PINX1: variants seen among roughly 807,000 people sequenced by gnomAD.
The protein encoded by PINX1 is PIN2 (TERF1) interacting telomerase inhibitor 1, also known as PIN2/TERF1-interacting telomerase inhibitor 1.
In PINX1, 34 loss-of-function variants were observed where a neutral mutation model predicts 25.4. The observed-to-expected ratio is 1.34, with a 90% CI of 1.02 to 1.78. The LOEUF is 1.78. PINX1 is among the 40% of genes most tolerant of loss of function. The pLI is 0.00. For missense variants in PINX1, 592 were observed against 404.9 expected, an observed-to-expected ratio of 1.46 and a Z score of -3.97; for synonymous variants, 197 against 147.7, an observed-to-expected ratio of 1.33 and a Z score of -2.42.
intron 6 of PINX1, among the ~76,000 whole-genome samples, chr8:10,819,606 A>G (rs952035496): frequency 3.3e-5 from 5 of 152,258 alleles, no homozygotes; most frequent in African/African-American, 1.2e-4. Context: ...TTTAATAATT[A>G]GAATAAATTA....
Position 10,781,962 on chromosome 8 carries a change from G to C in PINX1, c.472-16046C>G, listed in dbSNP as rs576305512. Among the ~76,000 whole-genome samples the C allele has an allele frequency of 7.9e-5, 12 of 152,272 alleles. 1 individual carries two copies. In the South Asian group the frequency reaches 1.7e-3, roughly 21 times the overall value. ...GTCTGTCCACAGGTGAATGGATAAA[G>C]AAACTGTGGTGTGTATGTATGTATA... is the stretch of plus-strand genomic sequence containing the variant. On this transcript the variant is annotated intron_variant, in intron 6 of 6. Transcript: ENST00000314787.
Position 10,765,585 on chromosome 8 carries a change from TGGTCC to T in PINX1, c.798_802del (p.Trp266Ter). 6.2e-7 allele frequency: 1 copy of T among 1,613,748 alleles called. No individual in the cohort carries two copies. The highest frequency in any genetic ancestry group is 8.5e-7 in the Non-Finnish European group (1 of 1,179,864). Reference sequence around the variant, plus strand: ...ATCCTGAGCAGAGGCCTTGGAACTCTGGTCCCAGCAGGGGCCTCTGAGCTGCTCTT... The same window carrying T: ...ATCCTGAGCAGAGGCCTTGGAACTCTCAGCAGGGGCCTCTGAGCTGCTCTT... On this transcript the variant is annotated stop_gained and frameshift_variant, in exon 7 of 7. Coordinates refer to ENST00000314787, the MANE Select transcript of PINX1 (RefSeq NM_017884.6). LOFTEE classifies it low-confidence loss of function (END_TRUNC).
chr8:10,816,305 T>G (rs1182441247), intron 6 of PINX1, among the ~76,000 whole-genome samples: 1 of 152,240 alleles, frequency 6.6e-6, no homozygotes, highest in Non-Finnish European at 1.5e-5. Flanking sequence ...CAGAACCCCT[T>G]TACTATCTTT....
intron 6 of PINX1, among the ~76,000 whole-genome samples, chr8:10,798,988 A>G (rs1465701666): frequency 6.6e-6 from 1 of 152,254 alleles, no homozygotes; most frequent in Non-Finnish European, 1.5e-5. Context: ...TGATATTAGA[A>G]AAATGAGTTT....
At chr8:10,787,881 G>C (rs567373575) in intron 6 of PINX1, 4 of 453,508 alleles carry the variant, frequency 8.8e-6, no homozygotes, top group Non-Finnish European at 1.8e-5. Flanking sequence ...AAGTCTGAAA[G>C]ACATTATCAA....
intron 6 of PINX1, among the ~76,000 whole-genome samples, chr8:10,818,904 T>A (rs2129085308): frequency 6.6e-6 from 1 of 152,128 alleles, no homozygotes; most frequent in South Asian, 2.1e-4. Context: ...ATGTCCTTGG[T>A]GAACAAGGAA....
chr8:10,827,104 T>A (rs1473308541), intron 4 of PINX1, among the ~76,000 whole-genome samples: 3 of 152,212 alleles, frequency 2.0e-5, no homozygotes, highest in East Asian at 1.9e-4. Context: ...CTCTCCACCC[T>A]GGGAGAACAG....
rs553975250 is a variant in PINX1, at chr8:10,823,052, G to A, written c.395-2783C>T. ...AAAAGACACCATAAACCAGGAAAGT[G>A]GAAAGAGTCAGTGTGAGTGACACAG... On this transcript the variant is annotated intron_variant, in intron 5 of 6. Transcript: ENST00000314787. Among the ~76,000 whole-genome samples, 175 of 152,302 alleles carry A rather than the reference G, an allele frequency of 1.1e-3. 1 individual carries two copies. Among genetic ancestry groups the A allele is most frequent in the African/African-American group, 3.7e-3 (152 of 41,544 alleles).
rs991110731 is a variant in PINX1, at chr8:10,797,703, C to T, written c.471+22490G>A. Among the ~76,000 whole-genome samples, 35 of 152,284 alleles carry T rather than the reference C, an allele frequency of 2.3e-4. 1 individual carries two copies. The highest frequency in any genetic ancestry group is 3.4e-3 in the Middle Eastern group (1 of 294). On this transcript the variant is annotated intron_variant, in intron 6 of 6. Coordinates refer to ENST00000314787, the MANE Select transcript of PINX1 (RefSeq NM_017884.6). ...ACTTCATCATCACAGCAAAAGATGC[C>T]TCAAACCACCTTTTCATACCTTCAT...
At chr8:10,837,349 G>C (rs913627535) in intron 1 of PINX1, among the ~76,000 whole-genome samples, 1 of 152,204 alleles carries the variant, frequency 6.6e-6, no homozygotes, top group Non-Finnish European at 1.5e-5. Flanking sequence ...CTGGGGGAGG[G>C]CTCTGGAAGC....
intron 6 of PINX1, among the ~76,000 whole-genome samples, chr8:10,813,301 C>T (rs1797594992): frequency 6.6e-6 from 1 of 152,102 alleles, no homozygotes; most frequent in Non-Finnish European, 1.5e-5. Flanking sequence ...ATCACCTAAC[C>T]ATAAATGTTG....
intron 4 of PINX1, among the ~76,000 whole-genome samples, chr8:10,829,370 C>T (rs961103272): frequency 2.0e-5 from 3 of 151,808 alleles, no homozygotes; most frequent in African/African-American, 7.3e-5. Flanking sequence ...AATTTTCTGG[C>T]CTTAATCGTG....
intron 6 of PINX1, among the ~76,000 whole-genome samples, chr8:10,805,651 G>A (rs1802423555): frequency 1.1e-5 from 1 of 94,406 alleles, no homozygotes; most frequent in South Asian, 3.5e-4. Flanking sequence ...CCACACTAGC[G>A]CTGAGTGGGT....
intron 6 of PINX1, among the ~76,000 whole-genome samples, chr8:10,813,949 G>A (rs1160353657): frequency 6.6e-6 from 1 of 152,080 alleles, no homozygotes; most frequent in African/African-American, 2.4e-5. Flanking sequence ...CAACCAGATA[G>A]GAACTGATGG....
intron 6 of PINX1, among the ~76,000 whole-genome samples, chr8:10,809,002 T>G (rs1438033718): frequency 2.0e-5 from 3 of 152,242 alleles, no homozygotes; most frequent in Non-Finnish European, 4.4e-5. Context: ...AGCCTGTTTC[T>G]CTCTAGCAGA....
At chr8:10,819,906 G>A (rs577140774) in intron 6 of PINX1, among the ~76,000 whole-genome samples, 4 of 152,070 alleles carry the variant, frequency 2.6e-5, no homozygotes, top group Admixed American at 2.0e-4. Context: ...TGATTGTATC[G>A]GCAATGGGTG....
In PINX1 at chr8:10,839,738, G is replaced by C; in HGVS notation, c.19C>G (p.Arg7Gly). The C allele has an allele frequency of 6.2e-7, 1 of 1,605,212 alleles. No homozygotes were observed. Among genetic ancestry groups the C allele is most frequent in the Non-Finnish European group, 8.5e-7 (1 of 1,176,018 alleles). MSMLAE[R>G]RRKQKWAVDP... ...TCGGGCCTCCGCTTCCGACACTCAC[G>C]TTCAGCCAGCATAGACATGTCGGAG... is the stretch of plus-strand genomic sequence containing the variant. The change falls in exon 1 of 7, where the codon CGT becomes GGT. Residue 7 changes from arginine to glycine, a missense_variant and splice_region_variant. By Grantham distance (125) the Arg-to-Gly change is moderately radical. Coordinates refer to ENST00000314787, the MANE Select transcript of PINX1 (RefSeq NM_017884.6).
At chr8:10,834,466 G>T in intron 2 of PINX1, 200 bp downstream of exon 2, 2 of 703,216 alleles carry the variant, frequency 2.8e-6, no homozygotes, top group Non-Finnish European at 4.5e-6. Context: ...GCTAAGCATG[G>T]CAGCTTAAAT....
At chr8:10,766,621 C>T (rs1801057615) in intron 6 of PINX1, among the ~76,000 whole-genome samples, 1 of 152,172 alleles carries the variant, frequency 6.6e-6, no homozygotes, top group African/African-American at 2.4e-5. Flanking sequence ...TAGAGAAATG[C>T]CCCCTCCTTC....
Sources: gnomAD v4.1 joint callset for allele counts (sites outside exome capture counted in the v4.1 genomes callset) on GRCh38, gnomAD v4.1.1 for gene constraint, MANE v1.5 for transcripts, NCBI Gene and HGNC (gene_info 2026-07-23, HGNC 2026-07-21) for gene names.